The following TMEM38B variants were observed in gnomAD, a reference collection of about 807,000 sequenced individuals.
The protein encoded by TMEM38B is transmembrane protein 38B.
In TMEM38B, 24 loss-of-function variants were observed where a neutral mutation model predicts 28.7. The observed-to-expected ratio is 0.84, with a 90% CI of 0.61 to 1.18. The LOEUF (loss-of-function observed/expected upper bound fraction) is 1.18. Among genes scored for constraint, TMEM38B ranks in the 50% most tolerant of loss-of-function variants. The pLI is 0.00. For synonymous variants in TMEM38B, 131 were observed against 127.7 expected (o/e 1.03, Z -0.17); for missense variants, 380 against 350.9 (o/e 1.08, Z -0.66).
At chr9:105,705,794 T>C (rs1428986847) in intron 2 of TMEM38B, 41 bp downstream of exon 2, 23 of 1,564,418 alleles carry the variant, frequency 1.5e-5, no homozygotes, top group East Asian at 4.5e-5. Flanking sequence ...ATTTAAACAA[T>C]TGTGTTGTAA....
chr9:105,749,482 C>T (rs917202352), intron 5 of TMEM38B, among the ~76,000 whole-genome samples: 3 of 152,166 alleles, frequency 2.0e-5, no homozygotes, highest in African/African-American at 7.2e-5. Context: ...CCTCATGATT[C>T]AGTTACCTTC....
At chr9:105,714,745 A>G (rs1033501051) in intron 2 of TMEM38B, among the ~76,000 whole-genome samples, 2 of 152,156 alleles carry the variant, frequency 1.3e-5, no homozygotes, top group African/African-American at 4.8e-5. Flanking sequence ...TTTACTTTCT[A>G]CCTGGTGTTG....
intron 5 of TMEM38B, among the ~76,000 whole-genome samples, chr9:105,772,280 C>G (rs902166978): frequency 3.9e-5 from 6 of 152,106 alleles, no homozygotes; most frequent in Admixed American, 1.3e-4. Context: ...GCAAATTGCA[C>G]GAGGATTTTA....
intron 5 of TMEM38B, among the ~76,000 whole-genome samples, chr9:105,753,363 A>C (rs1441416311): frequency 6.6e-6 from 1 of 152,168 alleles, no homozygotes; most frequent in African/African-American, 2.4e-5. Flanking sequence ...ACACATAATC[A>C]TCAGATTCTC....
intron 4 of TMEM38B, among the ~76,000 whole-genome samples, chr9:105,740,726 C>G (rs1564404556): frequency 6.6e-6 from 1 of 152,164 alleles, no homozygotes; most frequent in Non-Finnish European, 1.5e-5. Context: ...TGTTTTCCTT[C>G]TTTTCCTTCT....
chr9:105,731,741 A>G lies in TMEM38B; in HGVS notation c.542+9120A>G, dbSNP rs190847686. On this transcript the variant is annotated intron_variant, in intron 4 of 5. Coordinates refer to ENST00000374692, the MANE Select transcript of TMEM38B (RefSeq NM_018112.3). ...TTTGGGTTGGTTCCAAGTCTTTGCTATTGTGATTAGTGCAGCAATAAACAT... is the reference window on the plus strand; with the variant it reads ...TTTGGGTTGGTTCCAAGTCTTTGCTGTTGTGATTAGTGCAGCAATAAACAT... 6.6e-5 allele frequency among the ~76,000 whole-genome samples: 10 copies of G among 152,194 alleles called. No individual in the cohort carries two copies. The East Asian group carries it at 1.9e-3, about 29-fold the overall frequency.
At chr9:105,722,952 A>G (rs1026784543) in intron 4 of TMEM38B, among the ~76,000 whole-genome samples, 1 of 152,240 alleles carries the variant, frequency 6.6e-6, no homozygotes, top group Non-Finnish European at 1.5e-5. Flanking sequence ...CTGGATGAAA[A>G]TGAATCGGTG....
chr9:105,709,282 C>T (rs10733555), intron 2 of TMEM38B, among the ~76,000 whole-genome samples: 61,544 of 151,928 alleles, frequency 0.41, 13,881 homozygotes, highest in African/African-American at 0.6. Context: ...ATATTACAGT[C>T]ACTGCACAAT....
intron 5 of TMEM38B, among the ~76,000 whole-genome samples, chr9:105,762,181 C>T (rs1265740709): frequency 6.6e-6 from 1 of 151,964 alleles, no homozygotes; most frequent in African/African-American, 2.4e-5. Context: ...TTTAACATTA[C>T]TGATTTTTAT....
Position 105,759,268 on chromosome 9 carries a change from C to T in TMEM38B, c.660+11078C>T. ...GGCTATGTCATAGTTTCAGATAGAT[C>T]CAGTGGGATACATAGAATCCAAGAT... is the stretch of plus-strand genomic sequence containing the variant. On this transcript the variant is annotated intron_variant, in intron 5 of 5. Transcript: ENST00000374692. 3 of 727,896 alleles carry T rather than the reference C, an allele frequency of 4.1e-6. No homozygotes were observed. In the South Asian group the frequency reaches 4.8e-5, roughly 12 times the overall value. The allele number at this position is 727,896 out of a possible 1,614,324, so 45.1% of individuals were successfully genotyped here.
At chr9:105,753,476 A>T (rs148500532) in intron 5 of TMEM38B, among the ~76,000 whole-genome samples, 1 of 152,328 alleles carries the variant, frequency 6.6e-6, no homozygotes, top group East Asian at 1.9e-4. Flanking sequence ...TCTCAGTGGA[A>T]ACCCTACGAG....
chr9:105,742,827 T>C (rs1359557389), intron 4 of TMEM38B, among the ~76,000 whole-genome samples: 2 of 152,228 alleles, frequency 1.3e-5, no homozygotes, highest in Non-Finnish European at 2.9e-5. Context: ...TTCCATGTTT[T>C]TATCTTATCC....
At chr9:105,744,560 T>C (rs539716612) in intron 4 of TMEM38B, among the ~76,000 whole-genome samples, 97 of 152,062 alleles carry the variant, frequency 6.4e-4, no homozygotes, top group Admixed American at 8.5e-4. Context: ...GCAATGTAAT[T>C]TCTTTTTTTT....
At chr9:105,761,429 G>T (rs10465120) in intron 5 of TMEM38B, among the ~76,000 whole-genome samples, 29,514 of 152,108 alleles carry the variant, frequency 0.19, 2,938 homozygotes, top group Middle Eastern at 0.31. Flanking sequence ...CGTAAAAGAA[G>T]TATAAGGCAA....
At chr9:105,751,575 C>T (rs1178242942) in intron 5 of TMEM38B, among the ~76,000 whole-genome samples, 1 of 152,202 alleles carries the variant, frequency 6.6e-6, no homozygotes, top group African/African-American at 2.4e-5. Context: ...ATCCAGGGAA[C>T]CAAGCAGCAT....
chr9:105,742,288 G>A (rs1478405392), intron 4 of TMEM38B, among the ~76,000 whole-genome samples: 5 of 152,314 alleles, frequency 3.3e-5, no homozygotes, highest in African/African-American at 1.2e-4. Context: ...GGATTCAGGT[G>A]CAGAGGTCAG....
At chr9:105,757,350 G>A (rs747189294) in intron 5 of TMEM38B, among the ~76,000 whole-genome samples, 27 of 152,056 alleles carry the variant, frequency 1.8e-4, no homozygotes, top group Non-Finnish European at 1.5e-5. Context: ...TTTTGCAATT[G>A]CTAATTGTGC....
intron 4 of TMEM38B, among the ~76,000 whole-genome samples, chr9:105,729,690 A>G (rs1836659831): frequency 6.6e-6 from 1 of 152,108 alleles, no homozygotes; most frequent in Non-Finnish European, 1.5e-5. Context: ...CATTTTCACA[A>G]TATTGATTCT....
At chr9:105,699,539 A>G (rs1835395345) in intron 1 of TMEM38B, among the ~76,000 whole-genome samples, 1 of 152,188 alleles carries the variant, frequency 6.6e-6, no homozygotes, top group African/African-American at 2.4e-5. Context: ...CAATGCCACC[A>G]GAAGCAAAAT....
Sources: gnomAD v4.1 joint callset for allele counts (sites outside exome capture counted in the v4.1 genomes callset) on GRCh38, gnomAD v4.1.1 for gene constraint, MANE v1.5 for transcripts, NCBI Gene and HGNC (gene_info 2026-07-23, HGNC 2026-07-21) for gene names.